The following KIF24 variants were observed in gnomAD, a reference collection of about 807,000 sequenced individuals.
The protein encoded by KIF24 is kinesin-like protein KIF24.
In KIF24, 81 loss-of-function variants were observed where a neutral mutation model predicts 118.9. The observed-to-expected ratio is 0.68, with a 90% CI of 0.57 to 0.82. The LOEUF (loss-of-function observed/expected upper bound fraction) is 0.82. Among genes scored for constraint, KIF24 ranks in the 40% least tolerant of loss-of-function variants. The pLI, the probability that KIF24 is intolerant of heterozygous loss-of-function variation, is 0.00. For synonymous variants in KIF24, 599 were observed against 610.0 expected (o/e 0.98, Z 0.27); for missense variants, 1,560 against 1,661.6 (o/e 0.94, Z 1.06).
At chr9:34,330,523 C>A (rs986472228), upstream of KIF24, among the ~76,000 whole-genome samples, 4 of 152,076 alleles carry the variant, frequency 2.6e-5, no homozygotes, top group African/African-American at 9.7e-5. Flanking sequence ...ACATTTGAGT[C>A]ACTTACCCAG....
chr9:34,320,658 CAAAAAAAAAA>C (rs68048466), intron 1 of KIF24, among the ~76,000 whole-genome samples: 10 of 54,446 alleles, frequency 1.8e-4, no homozygotes, highest in South Asian at 2.1e-3. Context: ...AACTCCTTCT[CAAAAAAAAAA>C]AAAAAAAAAA....
At chr9:34,314,938 AATG>A (rs1837286476) in intron 1 of KIF24, among the ~76,000 whole-genome samples, 3 of 152,240 alleles carry the variant, frequency 2.0e-5, no homozygotes, top group Admixed American at 2.0e-4. Context: ...GAGAGAGATA[AATG>A]ATCTATAATA....
chr9:34,313,752 G>GTT (rs1425286036), intron 1 of KIF24, among the ~76,000 whole-genome samples: 1 of 97,636 alleles, frequency 1.0e-5, no homozygotes, highest in Admixed American at 1.1e-4. Flanking sequence ...TTTTTTTTTT[G>GTT]TTTTTTTTTT....
At chr9:34,333,636 G>A (rs556769308), upstream of KIF24, among the ~76,000 whole-genome samples, 2 of 74,608 alleles carry the variant, frequency 2.7e-5, no homozygotes, top group South Asian at 5.8e-4. Context: ...GACACAGAGA[G>A]ACATTGTCAA....
In KIF24 at chr9:34,257,182, G is replaced by A. The variant is rs780161399; in HGVS notation, c.2425C>T (p.His809Tyr). 1.2e-6 allele frequency: 2 copies of A among 1,614,054 alleles called. No homozygotes were observed. The highest frequency in any genetic ancestry group is 2.2e-5 in the South Asian group (2 of 91,084). ...CCATCATGGTTTTCAGAGTAAGAGT[G>A]GAACAGAGGCGGAGTCTCATTCGTG... is the stretch of plus-strand genomic sequence containing the variant. ...QLTNETPPLF[H>Y]SYSENHDGAQ... Residue 809 changes from histidine to tyrosine, a missense_variant, in exon 11 of 13, where the codon CAC becomes TAC. This residue lies in a region of KIF24 where 964 missense variants were observed against 988.0 expected (regional missense o/e 0.98). Coordinates refer to ENST00000402558, the MANE Select transcript of KIF24 (RefSeq NM_194313.4).
intron 8 of KIF24, among the ~76,000 whole-genome samples, chr9:34,263,585 C>T (rs569292107): frequency 6.6e-6 from 1 of 152,242 alleles, no homozygotes; most frequent in East Asian, 1.9e-4. Flanking sequence ...TTCCCCACTC[C>T]CTGCTCACAC....
At chr9:34,309,676 C>T (rs1038052846) in intron 2 of KIF24, among the ~76,000 whole-genome samples, 5 of 152,030 alleles carry the variant, frequency 3.3e-5, no homozygotes, top group Admixed American at 1.3e-4. Flanking sequence ...GTATTACATG[C>T]TCTGTGATCT....
intron 1 of KIF24, among the ~76,000 whole-genome samples, chr9:34,321,607 T>C (rs900722828): frequency 6.1e-5 from 9 of 147,178 alleles, no homozygotes; most frequent in East Asian, 3.9e-4. Flanking sequence ...CTTCTTCTTT[T>C]TTTTTTTTTT....
At chr9:34,325,117 C>G (rs900570132) in intron 1 of KIF24, among the ~76,000 whole-genome samples, 10 of 152,014 alleles carry the variant, frequency 6.6e-5, no homozygotes, top group African/African-American at 2.4e-4. Flanking sequence ...GCAGAAAGAT[C>G]ACTTGAGCCC....
At chr9:34,263,003 TCTTA>T (rs1835152116) in intron 9 of KIF24, 94 bp downstream of exon 9, 2 of 875,330 alleles carry the variant, frequency 2.3e-6, no homozygotes, top group African/African-American at 1.7e-5. Flanking sequence ...CAGCATCATG[TCTTA>T]CTGACAGTGG....
At position 34,255,151 on chromosome 9, in the gene KIF24, C is replaced by A; in HGVS notation, c.3887G>T (p.Arg1296Leu). The part of the protein sequence containing the change: ...TLEQAQQVVI[R>L]AHQEQLDEMA... ...TTCATCCAGCTGTTCCTGGTGTGCTCGGATGACCACCTGCCTGGGAACACC... is the reference window on the plus strand; with the variant it reads ...TTCATCCAGCTGTTCCTGGTGTGCTAGGATGACCACCTGCCTGGGAACACC... Residue 1296 changes from arginine to leucine, a missense_variant, in exon 12 of 13, where the codon CGA (arginine) becomes CTA (leucine). Physicochemically the swap from Arg to Leu is moderately radical, Grantham distance 102 (BLOSUM62 -2). Coordinates refer to ENST00000402558, the MANE Select transcript of KIF24 (RefSeq NM_194313.4). 1 of 1,582,776 alleles carries A rather than the reference C, an allele frequency of 6.3e-7. No individual in the cohort carries two copies. Among genetic ancestry groups the A allele is most frequent in the East Asian group, 2.3e-5 (1 of 43,450 alleles).
At chr9:34,311,678 G>GTA (rs1200399744) in intron 1 of KIF24, among the ~76,000 whole-genome samples, 1 of 86,490 alleles carries the variant, frequency 1.2e-5, no homozygotes, top group African/African-American at 4.8e-5. Context: ...ACGTGTATAT[G>GTA]TATATATATA....
intron 1 of KIF24, among the ~76,000 whole-genome samples, chr9:34,320,368 CTAT>C (rs1395712185): frequency 7.4e-5 from 11 of 149,402 alleles, no homozygotes; most frequent in Admixed American, 7.3e-4. Context: ...AAGAAATAGG[CTAT>C]AACCAGCCAG....
rs140301221 is a variant in KIF24, at chr9:34,268,727, C to A, written c.1443+530G>T. 3.3e-3 allele frequency among the ~76,000 whole-genome samples: 501 copies of A among 151,300 alleles called. 3 individuals carry two copies. The highest frequency in any genetic ancestry group is 0.011 in the African/African-American group (443 of 41,216). ...TTCACCATGTTGGCCAGTCTTGTCT[C>A]GAACTCCTGACCTCAAGTTATCCAC... On this transcript the variant is annotated intron_variant, in intron 8 of 12. Transcript: ENST00000402558.
At chr9:34,315,707 T>G (rs1007988740) in intron 1 of KIF24, among the ~76,000 whole-genome samples, 11 of 152,236 alleles carry the variant, frequency 7.2e-5, no homozygotes, top group Admixed American at 4.6e-4. Context: ...AAGTGAATAG[T>G]ATCTGCTTAG....
At chr9:34,321,866 A>G (rs1259401477) in intron 1 of KIF24, among the ~76,000 whole-genome samples, 1 of 151,904 alleles carries the variant, frequency 6.6e-6, no homozygotes, top group Non-Finnish European at 1.5e-5. Flanking sequence ...CTCAGCCCCC[A>G]AAGTGTTGGG....
At chr9:34,298,193 T>C (rs1370117250) in intron 3 of KIF24, among the ~76,000 whole-genome samples, 1 of 152,082 alleles carries the variant, frequency 6.6e-6, no homozygotes, top group African/African-American at 2.4e-5. Flanking sequence ...AATTAATTAA[T>C]GTTTAGGGAA....
chr9:34,272,947 T>C (rs1223155232), intron 6 of KIF24, among the ~76,000 whole-genome samples: 1 of 151,970 alleles, frequency 6.6e-6, no homozygotes, highest in Admixed American at 6.6e-5. Context: ...AAAACATTAT[T>C]TGGGCCGGGC....
intron 1 of KIF24, chr9:34,319,051 C>G (rs779448170): frequency 1.6e-6 from 2 of 1,277,984 alleles, no homozygotes; most frequent in Non-Finnish European, 2.3e-6. Flanking sequence ...AATTCCACCA[C>G]AAGATGGTGG....
Sources: allele counts gnomAD v4.1 joint callset (sites outside exome capture counted in the v4.1 genomes callset), GRCh38; gene constraint gnomAD v4.1.1; regional missense constraint gnomAD v4.1.1; transcripts MANE v1.5; gene names NCBI Gene and HGNC (gene_info 2026-07-23, HGNC 2026-07-21).